NAALADL2: variants seen among roughly 807,000 people sequenced by gnomAD.
The protein encoded by NAALADL2 is inactive N-acetylated-alpha-linked acidic dipeptidase-like protein 2.
A neutral mutation model predicts 87.2 loss-of-function variants in NAALADL2; 76 were observed. The observed-to-expected ratio is 0.87, with a 90% CI of 0.72 to 1.05. NAALADL2 has a LOEUF of 1.05. Among genes scored for constraint, NAALADL2 ranks in the 50% least tolerant of loss-of-function variants. The pLI is 0.00. For missense variants in NAALADL2, 1,089 were observed against 945.8 expected (o/e 1.15, Z -1.99); for synonymous variants, 354 against 331.0 (o/e 1.07, Z -0.75).
intron 2 of NAALADL2, among the ~76,000 whole-genome samples, chr3:174,570,655 A>G (rs921259796): frequency 6.6e-6 from 1 of 152,146 alleles, no homozygotes; most frequent in Non-Finnish European, 1.5e-5. Flanking sequence ...AAGGGTCACA[A>G]CTTTAAGTAG....
At chr3:174,567,366 TA>T (rs1714411217) in intron 2 of NAALADL2, among the ~76,000 whole-genome samples, 1 of 151,598 alleles carries the variant, frequency 6.6e-6, no homozygotes, top group Admixed American at 6.6e-5. Flanking sequence ...TAAAAGTAGA[TA>T]TAGACTTTTT....
chr3:175,193,461 TG>T lies in NAALADL2; in HGVS notation c.546-40468del, dbSNP rs1190956259. Among the ~76,000 whole-genome samples, 108 of 151,852 alleles carry T rather than the reference TG, an allele frequency of 7.1e-4. 1 individual carries two copies. The highest frequency in any genetic ancestry group is 4.9e-3 in the Admixed American group (75 of 15,240). On this transcript the variant is annotated intron_variant, in intron 2 of 13. Coordinates refer to ENST00000454872, the MANE Select transcript of NAALADL2 (RefSeq NM_207015.3). The stretch of plus-strand genomic sequence containing the variant: ...ATTAGCCTACTTTCAGGCCAAAAAA[TG>T]GTCTCTGTGAATATCCTACACAGAC...
intron 3 of NAALADL2, among the ~76,000 whole-genome samples, chr3:174,838,021 G>GAAAAAAAAAAAAAA (rs77681462): frequency 9.7e-5 from 7 of 71,926 alleles, no homozygotes; most frequent in Non-Finnish European, 1.7e-4. Flanking sequence ...AACCAAAAAA[G>GAAAAAAAAAAAAAA]AAAAAAAAAA....
intron 2 of NAALADL2, among the ~76,000 whole-genome samples, chr3:174,592,458 T>C (rs2108589272): frequency 6.6e-6 from 1 of 152,238 alleles, no homozygotes; most frequent in Non-Finnish European, 1.5e-5. Flanking sequence ...CCTGAGAAAG[T>C]AATTAGAATC....
intron 2 of NAALADL2, among the ~76,000 whole-genome samples, chr3:174,707,250 A>G (rs1249974583): frequency 6.9e-6 from 1 of 143,974 alleles, no homozygotes; most frequent in Non-Finnish European, 1.5e-5. Flanking sequence ...TTCCTCGGGG[A>G]TCTAGAACTA....
intron 3 of NAALADL2, among the ~76,000 whole-genome samples, chr3:174,758,020 A>G (rs866193220): frequency 5.9e-5 from 9 of 152,300 alleles, no homozygotes; most frequent in Admixed American, 2.6e-4. Flanking sequence ...GGGAGTGAAA[A>G]GGCTCATATG....
intron 1 of NAALADL2, among the ~76,000 whole-genome samples, chr3:175,085,944 T>A (rs1229734859): frequency 1.3e-5 from 2 of 152,028 alleles, no homozygotes; most frequent in Non-Finnish European, 2.9e-5. Flanking sequence ...TATTTGGGGG[T>A]AATAGACAGG....
At chr3:175,174,188 C>T (rs893865333) in intron 2 of NAALADL2, among the ~76,000 whole-genome samples, 1 of 152,114 alleles carries the variant, frequency 6.6e-6, no homozygotes, top group Admixed American at 6.6e-5. Context: ...ATTGAACAAT[C>T]CATATAACAA....
Position 175,405,775 on chromosome 3 carries a change from T to C in NAALADL2, c.1091-41454T>C, listed in dbSNP as rs187728756. 2.0e-3 allele frequency among the ~76,000 whole-genome samples: 312 copies of C among 152,348 alleles called. 4 individuals are homozygous for C. The highest frequency in any genetic ancestry group is 0.019 in the Admixed American group (284 of 15,292). On this transcript the variant is annotated intron_variant, in intron 5 of 13. Transcript: ENST00000454872. ...TACATTGTTTGTGTGCATTGTCTCA[T>C]TTAATCTGCCAATAATCCTATGAGG...
At chr3:175,655,904 C>A (rs1017639808) in intron 11 of NAALADL2, among the ~76,000 whole-genome samples, 1 of 152,034 alleles carries the variant, frequency 6.6e-6, no homozygotes, top group Non-Finnish European at 1.5e-5. Context: ...AAGTAATACG[C>A]CCTTTGTGCA....
intron 11 of NAALADL2, among the ~76,000 whole-genome samples, chr3:175,634,666 A>G (rs1203408310): frequency 6.6e-6 from 1 of 152,036 alleles, no homozygotes; most frequent in Non-Finnish European, 1.5e-5. Context: ...CTGAATGAGC[A>G]AATCTGTCTT....
intron 5 of NAALADL2, among the ~76,000 whole-genome samples, chr3:175,361,514 C>T (rs978866312): frequency 1.3e-5 from 2 of 148,238 alleles, no homozygotes; most frequent in Non-Finnish European, 3.0e-5. Context: ...TTCTCCACAT[C>T]CTCTCCAGCA....
intron 6 of NAALADL2, among the ~76,000 whole-genome samples, chr3:175,453,384 T>A (rs1721859277): frequency 6.6e-6 from 1 of 152,150 alleles, no homozygotes; most frequent in Non-Finnish European, 1.5e-5. Context: ...CTCCTTATTA[T>A]TCTGTTCAGT....
intron 1 of NAALADL2, among the ~76,000 whole-genome samples, chr3:175,071,062 A>T (rs1010522615): frequency 3.3e-5 from 5 of 152,060 alleles, no homozygotes; most frequent in African/African-American, 1.2e-4. Flanking sequence ...GCTTCTCTTG[A>T]TGTTACAACA....
chr3:175,347,137 C>T (rs1486185054), intron 5 of NAALADL2, among the ~76,000 whole-genome samples: 1 of 152,162 alleles, frequency 6.6e-6, no homozygotes, highest in African/African-American at 2.4e-5. Flanking sequence ...GGAACCGGCA[C>T]ACTGGTGACT....
In NAALADL2 at chr3:175,356,697, G is replaced by A. The variant is rs987677934; in HGVS notation, c.1090+32372G>A. Among the ~76,000 whole-genome samples, 4 of 152,004 alleles carry A rather than the reference G, an allele frequency of 2.6e-5. No individual in the cohort carries two copies. The East Asian group carries it at 7.7e-4, about 29-fold the overall frequency. On this transcript the variant is annotated intron_variant, in intron 5 of 13. Transcript: ENST00000454872. Reference sequence around the variant, plus strand: ...GAAGTTCTTGAGAGTTCTAATTGATGTTATAGAAGAAAAGCTAGGCACCAG... The same window carrying A: ...GAAGTTCTTGAGAGTTCTAATTGATATTATAGAAGAAAAGCTAGGCACCAG...
intron 11 of NAALADL2, among the ~76,000 whole-genome samples, chr3:175,719,795 C>A (rs1270471387): frequency 6.6e-6 from 1 of 152,200 alleles, no homozygotes; most frequent in African/African-American, 2.4e-5. Context: ...AAATTTATGT[C>A]TCACAGGTAT....
rs570868283 is a variant in NAALADL2, at chr3:174,611,765, AT to A, written c.-115+61139del. 5.8e-4 allele frequency among the ~76,000 whole-genome samples: 81 copies of A among 140,524 alleles called. 1 individual carries two copies. The highest frequency in any genetic ancestry group is 3.6e-3 in the Middle Eastern group (1 of 278). 92.2% of individuals were successfully genotyped at this position (140,524 alleles called of 152,430 possible). ...GCCGCCACGCCTGGCTAATTTTTGTATTTTTTTTTTTAGTAGAGACGGGGTT... is the reference window on the plus strand; with the variant it reads ...GCCGCCACGCCTGGCTAATTTTTGTATTTTTTTTTTAGTAGAGACGGGGTT... On this transcript the variant is annotated intron_variant, in intron 2 of 3. Transcript: ENST00000434257.
Position 175,107,570 on chromosome 3 carries a change from C to T in NAALADL2, c.545+10279C>T, listed in dbSNP as rs185491896. Among the ~76,000 whole-genome samples the T allele has an allele frequency of 2.1e-4, 32 of 151,652 alleles. No individual in the cohort carries two copies. In the East Asian group the frequency reaches 5.8e-3, roughly 28 times the overall value. On this transcript the variant is annotated intron_variant, in intron 2 of 13. Transcript: ENST00000454872. ...CACACATCCTATACGTTCTGTTTCT[C>T]AGGAGAACCCTGTTTTATACATACA... is the stretch of plus-strand genomic sequence containing the variant.
Sources: allele counts gnomAD v4.1 joint callset (sites outside exome capture counted in the v4.1 genomes callset), GRCh38; gene constraint gnomAD v4.1.1; transcripts MANE v1.5; gene names NCBI Gene and HGNC (gene_info 2026-07-23, HGNC 2026-07-21).